The following COL19A1 variants were observed in gnomAD, a reference collection of about 807,000 sequenced individuals.
COL19A1 encodes collagen alpha-1(XIX) chain.
COL19A1 carries 159 observed loss-of-function variants against 190.2 expected under a neutral mutation model. The ratio of observed to expected loss-of-function variants is 0.84; its 90% CI spans 0.73 to 0.95. COL19A1 has a LOEUF of 0.95. Among genes scored for constraint, COL19A1 ranks in the 40% least tolerant of loss-of-function variants. The pLI is 0.00. For missense variants in COL19A1, 1,418 were observed against 1,431.9 expected, an observed-to-expected ratio of 0.99 and a Z score of 0.16; for synonymous variants, 509 against 458.9, an observed-to-expected ratio of 1.11 and a Z score of -1.39.
At chr6:70,081,236 T>C (rs943552061) in intron 15 of COL19A1, among the ~76,000 whole-genome samples, 2 of 152,198 alleles carry the variant, frequency 1.3e-5, no homozygotes, top group African/African-American at 4.8e-5. Context: ...AGACTTATAA[T>C]ATTTCTAATT....
At chr6:70,078,894 C>A (rs1444453016) in intron 15 of COL19A1, among the ~76,000 whole-genome samples, 1 of 152,102 alleles carries the variant, frequency 6.6e-6, no homozygotes, top group African/African-American at 2.4e-5. Context: ...TGGTGAAACT[C>A]TGTCTCTACT....
intron 49 of COL19A1, among the ~76,000 whole-genome samples, chr6:70,204,786 C>A (rs1312221789): frequency 1.3e-5 from 2 of 152,066 alleles, no homozygotes; most frequent in African/African-American, 4.8e-5. Flanking sequence ...ATCTTAAGTA[C>A]TTACCGAGAT....
intron 11 of COL19A1, among the ~76,000 whole-genome samples, chr6:70,019,924 A>G (rs574699382): frequency 2.0e-5 from 3 of 152,114 alleles, no homozygotes; most frequent in East Asian, 3.9e-4. Context: ...TCAATTTTCT[A>G]TTGTTTGGAA....
At chr6:70,163,849 A>G (rs1787971083) in intron 36 of COL19A1, among the ~76,000 whole-genome samples, 1 of 152,192 alleles carries the variant, frequency 6.6e-6, no homozygotes, top group Admixed American at 6.5e-5. Context: ...TCCAAGATCA[A>G]GGTGCTGGCA....
intron 4 of COL19A1, among the ~76,000 whole-genome samples, chr6:69,917,921 G>T (rs1041925066): frequency 1.3e-5 from 2 of 152,208 alleles, no homozygotes; most frequent in Admixed American, 1.3e-4. Flanking sequence ...CATGTGGCCA[G>T]TGGGCGGTGA....
intron 1 of COL19A1, among the ~76,000 whole-genome samples, chr6:69,872,255 C>T (rs1767888372): frequency 6.6e-6 from 1 of 151,766 alleles, no homozygotes; most frequent in African/African-American, 2.4e-5. Flanking sequence ...ATGGACTTTC[C>T]CTATTTGGCT....
chr6:69,869,471 ACCT>A (rs1220085719), intron 1 of COL19A1, among the ~76,000 whole-genome samples: 1 of 152,142 alleles, frequency 6.6e-6, no homozygotes, highest in African/African-American at 2.4e-5. Context: ...AGGATTTCTG[ACCT>A]CCTCTTTTTA....
At chr6:70,187,798 TTC>T (rs926804775) in intron 46 of COL19A1, among the ~76,000 whole-genome samples, 1 of 152,078 alleles carries the variant, frequency 6.6e-6, no homozygotes, top group East Asian at 1.9e-4. Context: ...ACACCTAACA[TTC>T]TCTCTATCTT....
intron 14 of COL19A1, among the ~76,000 whole-genome samples, chr6:70,047,743 A>C (rs943781776): frequency 3.2e-4 from 49 of 152,092 alleles, no homozygotes; most frequent in African/African-American, 1.1e-3. Context: ...CAATTAAATA[A>C]TATAATCCTG....
chr6:69,964,431 A>G (rs1774976861), intron 11 of COL19A1, among the ~76,000 whole-genome samples: 1 of 152,176 alleles, frequency 6.6e-6, no homozygotes, highest in Non-Finnish European at 1.5e-5. Flanking sequence ...TGATTTATTA[A>G]GTGGGATTTT....
At chr6:69,880,065 G>A (rs765615649) in intron 2 of COL19A1, among the ~76,000 whole-genome samples, 12 of 152,192 alleles carry the variant, frequency 7.9e-5, no homozygotes, top group Non-Finnish European at 1.6e-4. Context: ...AATCGGATAG[G>A]AGGTATAAAA....
intron 31 of COL19A1, 72 bp from the exon 32 acceptor site, chr6:70,156,055 C>T: frequency 7.3e-7 from 1 of 1,363,764 alleles, no homozygotes; most frequent in South Asian, 1.4e-5. Flanking sequence ...AAAAACTTCA[C>T]ATCACATGAA....
In COL19A1 at chr6:69,921,491, T is replaced by TATATTCATATATATTC. The variant is rs1554166295; in HGVS notation, c.267-6414_267-6413insTCATATATATTCATAT. 5.3e-5 allele frequency among the ~76,000 whole-genome samples: 6 copies of TATATTCATATATATTC among 113,572 alleles called. No homozygotes were observed. The East Asian group carries it at 6.3e-4, about 12-fold the overall frequency. 74.5% of individuals were successfully genotyped at this position (113,572 alleles called of 152,430 possible). ...ATATTCATATATTCATATATATTCATATATATTCATATATATTCATATGTA... is the reference window on the plus strand; with the variant it reads ...ATATTCATATATTCATATATATTCATATATTCATATATATTCATATATTCATATATATTCATATGTA... On this transcript the variant is annotated intron_variant, in intron 4 of 50. Coordinates refer to ENST00000620364, the MANE Select transcript of COL19A1 (RefSeq NM_001858.6).
Position 70,035,945 on chromosome 6 carries a change from T to G in COL19A1, c.1170+6T>G. The stretch of plus-strand genomic sequence containing the variant: ...CAGGACCACCAGCCTTACCTGTAAG[T>G]ATTCTTGAAATCAAAATTCAAAATT... On this transcript the variant is annotated splice_donor_region_variant and intron_variant, in intron 14 of 50. Transcript: ENST00000620364. The G allele has an allele frequency of 6.2e-7, 1 of 1,613,012 alleles. No homozygotes were observed.
intron 17 of COL19A1, among the ~76,000 whole-genome samples, chr6:70,122,479 A>C (rs976991856): frequency 2.0e-5 from 3 of 152,164 alleles, no homozygotes; most frequent in South Asian, 2.1e-4. Context: ...GGCAAAAGCA[A>C]GGGAGTTTTG....
intron 9 of COL19A1, among the ~76,000 whole-genome samples, chr6:69,950,624 C>A (rs556414048): frequency 1.5e-4 from 22 of 149,684 alleles, no homozygotes; most frequent in African/African-American, 5.4e-4. Flanking sequence ...TGGATGGTTC[C>A]ATTTCCAAGA....
intron 46 of COL19A1, among the ~76,000 whole-genome samples, chr6:70,186,517 CATTT>C (rs1158288794): frequency 6.6e-6 from 1 of 152,078 alleles, no homozygotes; most frequent in East Asian, 1.9e-4. Context: ...TGTAACTGTT[CATTT>C]ATTTCTGTTA....
At chr6:70,196,739 G>A (rs1049708817) in intron 48 of COL19A1, among the ~76,000 whole-genome samples, 10 of 152,120 alleles carry the variant, frequency 6.6e-5, no homozygotes, top group South Asian at 2.1e-4. Context: ...TGCTTATATC[G>A]GAACTCTTCA....
chr6:70,199,955 C>A lies in COL19A1; in HGVS notation c.3223+219C>A, dbSNP rs527416832. On this transcript the variant is annotated intron_variant, in intron 49 of 50. Coordinates refer to ENST00000620364, the MANE Select transcript of COL19A1 (RefSeq NM_001858.6). ...AACTATTACTACTTCAAATTTAAAA[C>A]CAAATGAGAGTTACCTGGTATTCTA... is the stretch of plus-strand genomic sequence containing the variant. 3.9e-4 allele frequency: 176 copies of A among 447,284 alleles called. 5 individuals are homozygous for A. The highest frequency in any genetic ancestry group is 3.8e-3 in the South Asian group (166 of 43,138). The allele number at this position is 447,284 out of a possible 1,614,324, so 27.7% of individuals were successfully genotyped here.
Sources: gnomAD v4.1 joint callset for allele counts (sites outside exome capture counted in the v4.1 genomes callset) on GRCh38, gnomAD v4.1.1 for gene constraint, MANE v1.5 for transcripts, NCBI Gene and HGNC (gene_info 2026-07-23, HGNC 2026-07-21) for gene names.